The following MBOAT2 variants were observed in gnomAD, a reference collection of about 807,000 sequenced individuals.
MBOAT2 encodes membrane-bound glycerophospholipid O-acyltransferase 2.
Under a neutral mutation model 63.4 loss-of-function variants are expected in MBOAT2, and 28 were observed. The observed-to-expected ratio is 0.44, with a 90% CI of 0.33 to 0.61. MBOAT2 has a LOEUF of 0.61. Ranked by LOEUF, MBOAT2 falls within the 20% of genes least tolerant of loss-of-function variation. MBOAT2 has a pLI of 0.03. For missense variants in MBOAT2, 470 were observed against 605.8 expected, an observed-to-expected ratio of 0.78 and a Z score of 2.35; for synonymous variants, 211 against 215.6, an observed-to-expected ratio of 0.98 and a Z score of 0.19.
At chr2:8,939,444 G>A (rs774429087) in intron 3 of MBOAT2, among the ~76,000 whole-genome samples, 7 of 152,202 alleles carry the variant, frequency 4.6e-5, no homozygotes, top group African/African-American at 1.2e-4. Context: ...GGCATCAACC[G>A]CAGTGGGAGC....
chr2:8,930,916 G>A (rs1667274030), intron 3 of MBOAT2, among the ~76,000 whole-genome samples: 1 of 152,092 alleles, frequency 6.6e-6, no homozygotes, highest in African/African-American at 2.4e-5. Context: ...TCCATGCTGT[G>A]GAAGCTTTGT....
chr2:8,881,009 A>C (rs1479587055), intron 6 of MBOAT2, among the ~76,000 whole-genome samples: 1 of 152,126 alleles, frequency 6.6e-6, no homozygotes, highest in East Asian at 1.9e-4. Flanking sequence ...GCCAGAAGGG[A>C]ATGAGAGGTG....
At chr2:8,903,811 T>G (rs1250753079) in intron 4 of MBOAT2, among the ~76,000 whole-genome samples, 1 of 152,224 alleles carries the variant, frequency 6.6e-6, no homozygotes, top group Admixed American at 6.5e-5. Context: ...TGACTCCTGC[T>G]TTACAGACGG....
intron 11 of MBOAT2, chr2:8,861,094 A>C (rs1286193825): frequency 1.3e-5 from 2 of 152,714 alleles, no homozygotes; most frequent in Non-Finnish European, 2.9e-5. Flanking sequence ...AAAAGTTTCC[A>C]AAAAAAAAAG....
intron 3 of MBOAT2, among the ~76,000 whole-genome samples, chr2:8,929,159 A>G (rs1321196436): frequency 6.6e-6 from 1 of 152,228 alleles, no homozygotes; most frequent in Non-Finnish European, 1.5e-5. Flanking sequence ...GTATAATAAC[A>G]TATCAGAATC....
In MBOAT2 at chr2:8,895,145, C is replaced by T. The variant is rs1023676857; in HGVS notation, c.396-7072G>A. 2.6e-5 allele frequency among the ~76,000 whole-genome samples: 4 copies of T among 152,210 alleles called. 1 individual carries two copies. The South Asian group carries it at 8.3e-4, about 32-fold the overall frequency. ...AAAACTTCCACAGCGTGGAAACGGA[C>T]CCTAGCGGGAGCCACTGCTGGCTCA... On this transcript the variant is annotated intron_variant, in intron 4 of 12. Transcript: ENST00000305997.
chr2:8,877,080 C>T lies in MBOAT2; in HGVS notation c.640G>A (p.Glu214Lys). Reference protein sequence around the residue: ...GRSYHITQSGENGKEETQYER... With the variant: ...GRSYHITQSGKNGKEETQYER... Reference sequence around the variant, plus strand: ...TACTGTGTCTCTTCTTTTCCATTTTCACCAGATTGTGTGATATGGTATGAT... The same window carrying T: ...TACTGTGTCTCTTCTTTTCCATTTTTACCAGATTGTGTGATATGGTATGAT... Residue 214 changes from glutamate (E) to lysine (K), a missense_variant, in exon 7 of 13, where the codon GAA becomes AAA. By Grantham distance (56) the Glu-to-Lys change is moderately conservative. This residue lies in a region of MBOAT2 where 376 missense variants were observed against 503.8 expected (regional missense o/e 0.75). Coordinates refer to ENST00000305997, the MANE Select transcript of MBOAT2 (RefSeq NM_138799.4). 6.8e-6 allele frequency: 11 copies of T among 1,613,492 alleles called. No homozygotes were observed. The highest frequency in any genetic ancestry group is 9.3e-6 in the Non-Finnish European group (11 of 1,179,824).
chr2:8,997,314 C>A (rs1385540657), intron 1 of MBOAT2, among the ~76,000 whole-genome samples: 1 of 151,994 alleles, frequency 6.6e-6, no homozygotes, highest in African/African-American at 2.4e-5. Flanking sequence ...CCCAATAAAC[C>A]GAGTTGAAGG....
In MBOAT2 at chr2:8,902,820, G is replaced by A. The variant is rs1404892305; in HGVS notation, c.395+5801C>T. On this transcript the variant is annotated intron_variant, in intron 4 of 12. Transcript: ENST00000305997. ...GAGCAGCAGCAAGATTTATTGTGAA[G>A]AGCAAAAGAACAAAAAGCCTTCACA... is the stretch of plus-strand genomic sequence containing the variant. 3.9e-5 allele frequency among the ~76,000 whole-genome samples: 6 copies of A among 152,226 alleles called. No individual in the cohort carries two copies. The South Asian group carries it at 8.3e-4, about 21-fold the overall frequency.
chr2:8,921,239 TTTTA>T (rs1666544436), intron 3 of MBOAT2, among the ~76,000 whole-genome samples: 2 of 152,292 alleles, frequency 1.3e-5, no homozygotes, highest in Admixed American at 6.5e-5. Context: ...AATGTATACT[TTTTA>T]TTTATTTAGT....
intron 3 of MBOAT2, among the ~76,000 whole-genome samples, chr2:8,915,575 A>C (rs545592014): frequency 1.3e-4 from 20 of 152,308 alleles, no homozygotes; most frequent in African/African-American, 4.8e-4. Flanking sequence ...CTCCTCCAAA[A>C]GCACATCAAA....
At chr2:8,889,424 A>T (rs535005628) in intron 4 of MBOAT2, among the ~76,000 whole-genome samples, 2 of 152,358 alleles carry the variant, frequency 1.3e-5, no homozygotes, top group South Asian at 4.1e-4. Context: ...GAAGTGCTTA[A>T]GGGAGGAGAT....
chr2:8,966,268 T>C (rs543151943), intron 1 of MBOAT2, among the ~76,000 whole-genome samples: 14 of 152,344 alleles, frequency 9.2e-5, no homozygotes, highest in Non-Finnish European at 1.3e-4. Flanking sequence ...CCCATGTGGC[T>C]ATGAGCACTT....
chr2:8,927,078 T>C (rs982352471), intron 3 of MBOAT2, among the ~76,000 whole-genome samples: 1 of 152,104 alleles, frequency 6.6e-6, no homozygotes, highest in East Asian at 1.9e-4. Context: ...AGAGAAAGCA[T>C]AAGCAAGGAA....
At chr2:8,861,163 T>G (rs1302504359) in intron 11 of MBOAT2, 1 of 152,708 alleles carries the variant, frequency 6.5e-6, no homozygotes. Context: ...AAATATAGTA[T>G]ATAAATAAAG....
At chr2:8,956,590 G>A (rs1669242836) in intron 2 of MBOAT2, among the ~76,000 whole-genome samples, 1 of 152,140 alleles carries the variant, frequency 6.6e-6, no homozygotes, top group South Asian at 2.1e-4. Context: ...CTGCCCAGGA[G>A]GCTGAGGTGG....
At chr2:8,980,458 G>T (rs2103334907) in intron 1 of MBOAT2, among the ~76,000 whole-genome samples, 1 of 152,218 alleles carries the variant, frequency 6.6e-6, no homozygotes, top group South Asian at 2.1e-4. Flanking sequence ...ATCTGCACTT[G>T]TAGATTATGA....
intron 1 of MBOAT2, among the ~76,000 whole-genome samples, chr2:8,991,679 T>C (rs945072755): frequency 2.0e-5 from 3 of 152,210 alleles, no homozygotes; most frequent in African/African-American, 7.2e-5. Context: ...TAACAGAAAC[T>C]GTTACCTAAT....
rs544066681 is a variant in MBOAT2 at position 8,997,585 on chromosome 2, A to G, written c.75+5955T>C. ...CAGATGTTAACGTCTCAAAATAAAA[A>G]CATAAATAAATTCCAGAAATTTGAT... On this transcript the variant is annotated intron_variant, in intron 1 of 12. Transcript: ENST00000305997. Among the ~76,000 whole-genome samples, 251 of 152,348 alleles carry G rather than the reference A, an allele frequency of 1.6e-3. 1 individual carries two copies. The highest frequency in any genetic ancestry group is 5.8e-3 in the African/African-American group (240 of 41,578).
Sources: allele counts gnomAD v4.1 joint callset (sites outside exome capture counted in the v4.1 genomes callset), GRCh38; gene constraint gnomAD v4.1.1; regional missense constraint gnomAD v4.1.1; transcripts MANE v1.5; gene names NCBI Gene and HGNC (gene_info 2026-07-23, HGNC 2026-07-21).